The following AGMO variants were observed in gnomAD, a reference collection of about 807,000 sequenced individuals.
The protein encoded by AGMO is glyceryl-ether monooxygenase.
Under a neutral mutation model 60.2 loss-of-function variants are expected in AGMO, and 75 were observed. The observed-to-expected ratio is 1.25, with a 90% CI of 1.03 to 1.51. The LOEUF is 1.51. AGMO is among the 40% of genes most tolerant of loss of function. The pLI is 0.00. For synonymous variants in AGMO, 261 were observed against 177.1 expected (o/e 1.47, Z -3.76); for missense variants, 763 against 525.5 (o/e 1.45, Z -4.42).
At chr7:15,206,236 A>T (rs1171761479) in intron 12 of AGMO, among the ~76,000 whole-genome samples, 1 of 152,096 alleles carries the variant, frequency 6.6e-6, no homozygotes, top group Non-Finnish European at 1.5e-5. Flanking sequence ...TCAGAAATAC[A>T]TTAGATAATT....
At chr7:15,242,611 C>CT (rs1563051270) in intron 12 of AGMO, among the ~76,000 whole-genome samples, 1 of 152,016 alleles carries the variant, frequency 6.6e-6, no homozygotes, top group Non-Finnish European at 1.5e-5. Context: ...CAACAAATAA[C>CT]TAAGTTAGAA....
At chr7:15,140,132 A>G in the AGMO span, among the ~76,000 whole-genome samples, 1 of 151,818 alleles carries the variant, frequency 6.6e-6, no homozygotes, top group Non-Finnish European at 1.5e-5. Context: ...CATAAAATGT[A>G]GAAAAAGTTT....
chr7:15,199,403 A>G (rs1008007421), downstream of AGMO, among the ~76,000 whole-genome samples: 5 of 152,202 alleles, frequency 3.3e-5, no homozygotes, highest in Admixed American at 6.5e-5. Context: ...GGAATTATTT[A>G]TTAACATTTC....
At chr7:15,532,537 T>C (rs938493549) in intron 3 of AGMO, among the ~76,000 whole-genome samples, 19 of 152,198 alleles carry the variant, frequency 1.2e-4, no homozygotes, top group African/African-American at 4.6e-4. Flanking sequence ...TAAATACTAA[T>C]TAATTGTTAA....
chr7:15,199,001 T>C (rs1468617284), downstream of AGMO, among the ~76,000 whole-genome samples: 4 of 151,910 alleles, frequency 2.6e-5, no homozygotes, highest in East Asian at 3.9e-4. Context: ...AAGAAGGGGG[T>C]TTGTTTTAAG....
chr7:15,385,566 G>T lies in AGMO; in HGVS notation c.958-4C>A. 6.5e-7 allele frequency: 1 copy of T among 1,550,208 alleles called. No homozygotes were observed. Among genetic ancestry groups the T allele is most frequent in the Non-Finnish European group, 8.9e-7 (1 of 1,122,582 alleles). ...AGGGAACTTCTTTGCCGGTGACCTA[G>T]GGAGACAAGAACCATTTCCTTTATA... On this transcript the variant is annotated splice_region_variant and splice_polypyrimidine_tract_variant and intron_variant, in intron 9 of 12. Transcript: ENST00000342526.
the AGMO span, among the ~76,000 whole-genome samples, chr7:15,150,147 A>G: frequency 6.6e-6 from 1 of 151,952 alleles, no homozygotes; most frequent in Admixed American, 6.6e-5. Flanking sequence ...ATTTTTCTAT[A>G]TTTATTTTGT....
intron 3 of AGMO, among the ~76,000 whole-genome samples, chr7:15,467,909 T>C (rs1053368427): frequency 6.6e-6 from 1 of 152,110 alleles, no homozygotes; most frequent in Admixed American, 6.6e-5. Flanking sequence ...AAATGCTGTT[T>C]CACCCCTGGA....
At chr7:15,492,684 ACCGTTGTTTC>A (rs1783099327) in intron 3 of AGMO, among the ~76,000 whole-genome samples, 1 of 152,036 alleles carries the variant, frequency 6.6e-6, no homozygotes, top group African/African-American at 2.4e-5. Context: ...TATCTAGTTC[ACCGTTGTTTC>A]CCCAACACTA....
chr7:15,328,729 A>T (rs1320183882), intron 12 of AGMO, among the ~76,000 whole-genome samples: 1 of 152,122 alleles, frequency 6.6e-6, no homozygotes, highest in East Asian at 1.9e-4. Context: ...GTCAAATTAC[A>T]TTACTCCTCT....
At chr7:15,248,222 A>ATCTATCTATATCTATC (rs1331296298) in intron 12 of AGMO, among the ~76,000 whole-genome samples, 1 of 104,210 alleles carries the variant, frequency 9.6e-6, no homozygotes, top group African/African-American at 3.6e-5. Context: ...ATATATATAT[A>ATCTATCTATATCTATC]TATCTTCATC....
rs568534545 is a variant in AGMO at position 15,396,644 on chromosome 7, G to A, written c.610-2465C>T. The A allele has an allele frequency of 1.8e-3, 277 of 149,786 alleles. 1 individual carries two copies. Among genetic ancestry groups the A allele is most frequent in the African/African-American group, 6.3e-3 (257 of 40,506 alleles). The allele number at this position is 149,786 out of a possible 1,614,324, so 9.3% of individuals were successfully genotyped here. ...CGCCCCCTCCCCCACACATCCTGCT[G>A]ATTGGTCCACTTTACAGAGAGCTGA... On this transcript the variant is annotated intron_variant, in intron 5 of 12. Transcript: ENST00000342526.
the AGMO span, among the ~76,000 whole-genome samples, chr7:15,127,738 T>C: frequency 1.1e-4 from 16 of 152,142 alleles, no homozygotes; most frequent in Non-Finnish European, 2.4e-4. Context: ...TATTCTTAAG[T>C]CAATATTTTA....
the AGMO span, among the ~76,000 whole-genome samples, chr7:15,162,540 A>G: frequency 6.6e-6 from 1 of 151,978 alleles, no homozygotes; most frequent in Non-Finnish European, 1.5e-5. Flanking sequence ...AACAAAGACA[A>G]ATAATTAGCT....
intron 12 of AGMO, among the ~76,000 whole-genome samples, chr7:15,296,047 A>G (rs1050873536): frequency 1.3e-5 from 2 of 152,200 alleles, no homozygotes; most frequent in African/African-American, 2.4e-5. Context: ...GGAAATGTTT[A>G]CAAGCAAAAC....
At chr7:15,339,533 A>C (rs1426110705) in intron 12 of AGMO, among the ~76,000 whole-genome samples, 2 of 152,210 alleles carry the variant, frequency 1.3e-5, no homozygotes, top group African/African-American at 4.8e-5. Flanking sequence ...AAACTTTGTC[A>C]ATTTGCAACA....
intron 12 of AGMO, among the ~76,000 whole-genome samples, chr7:15,272,236 C>T (rs1783636665): frequency 6.6e-6 from 1 of 150,956 alleles, no homozygotes. Context: ...CCCATTAACT[C>T]GCCATTTACA....
At chr7:15,170,472 A>T in the AGMO span, among the ~76,000 whole-genome samples, 1 of 152,208 alleles carries the variant, frequency 6.6e-6, no homozygotes, top group African/African-American at 2.4e-5. Flanking sequence ...GCATATTACA[A>T]TGTCATTCTA....
chr7:15,427,751 A>T (rs1365291239), intron 4 of AGMO, among the ~76,000 whole-genome samples: 1 of 152,160 alleles, frequency 6.6e-6, no homozygotes, highest in East Asian at 1.9e-4. Context: ...AGGATGTATA[A>T]TCAAAGATTG....
Sources: allele counts gnomAD v4.1 joint callset (sites outside exome capture counted in the v4.1 genomes callset), GRCh38; gene constraint gnomAD v4.1.1; transcripts MANE v1.5; gene names NCBI Gene and HGNC (gene_info 2026-07-23, HGNC 2026-07-21).